Variants in NLE1 observed in about 807,000 individuals in gnomAD.
The protein encoded by NLE1 is notchless protein homolog 1.
A neutral mutation model predicts 62.8 loss-of-function variants in NLE1; 37 were observed. The observed-to-expected ratio is 0.59, with a 90% CI of 0.45 to 0.78. The LOEUF (loss-of-function observed/expected upper bound fraction) is 0.78, where lower values mean the gene tolerates loss of function less well. Ranked by LOEUF, NLE1 falls within the 30% of genes least tolerant of loss-of-function variation. The probability of loss-of-function intolerance (pLI) is 0.00; values close to 1 mark genes in which losing one functional copy is unlikely to be tolerated. For synonymous variants in NLE1, 243 were observed against 253.0 expected (o/e 0.96, Z 0.37); for missense variants, 555 against 637.9 (o/e 0.87, Z 1.40).
intron 10 of NLE1, 178 bp downstream of exon 10, chr17:35,135,063 AAAACAAAC>A (rs202154326): frequency 1.4e-6 from 1 of 693,616 alleles, no homozygotes; most frequent in South Asian, 1.5e-5. Flanking sequence ...GTCATCTCTA[AAAACAAAC>A]AAACAAACAA....
intron 10 of NLE1, among the ~76,000 whole-genome samples, chr17:35,133,813 C>T (rs1380107641): frequency 6.6e-6 from 1 of 152,116 alleles, no homozygotes; most frequent in Non-Finnish European, 1.5e-5. Flanking sequence ...TGTCATCCCC[C>T]CAAACAGCAA....
At chr17:35,135,514 C>G (rs1217033083) in intron 9 of NLE1, 63 bp from the exon 10 acceptor site, 16 of 1,481,070 alleles carry the variant, frequency 1.1e-5, no homozygotes, top group Non-Finnish European at 1.5e-5. Flanking sequence ...GAGGGCCCGA[C>G]TTTGGCAGCA....
rs557946825 is a variant in NLE1, at chr17:35,134,235, G to A, written c.1215-737C>T. 4.6e-5 allele frequency among the ~76,000 whole-genome samples: 7 copies of A among 152,268 alleles called. No homozygotes were observed. In the South Asian group the frequency reaches 1.4e-3, roughly 32 times the overall value. On this transcript the variant is annotated intron_variant, in intron 10 of 12. Transcript: ENST00000442241. ...GGCCAGGACTCTGCATTTCTATCAA[G>A]CTCCCAGGTGATGCTGATGCCGCTG...
chr17:35,130,730 G>A lies in NLE1; in HGVS notation c.*1707C>T. 1 of 354,638 alleles carries A rather than the reference G, an allele frequency of 2.8e-6. No homozygotes were observed. The highest frequency in any genetic ancestry group is 4.1e-5 in the South Asian group (1 of 24,100). The allele number at this position is 354,638 out of a possible 1,614,324, so 22.0% of individuals were successfully genotyped here. A position where few individuals can be genotyped will look rare whatever the true frequency, so the allele number is the denominator to read the frequency against. ...TCATTAAAGAACTGCAGGTCATCCA[G>A]CACCCTAAAGTCTGCTTTATGCTGC... On this transcript the variant is annotated 3_prime_UTR_variant, in exon 13 of 13. Transcript: ENST00000442241.
At chr17:35,138,839 T>C (rs1285804598) in intron 4 of NLE1, among the ~76,000 whole-genome samples, 1 of 152,146 alleles carries the variant, frequency 6.6e-6, no homozygotes, top group Non-Finnish European at 1.5e-5. Flanking sequence ...TTAAACCAGG[T>C]TCTCCTTGGT....
In NLE1 at chr17:35,130,696, C is replaced by T. The variant is rs1039163440; in HGVS notation, c.*1741G>A. The T allele has an allele frequency of 4.3e-6, 2 of 460,476 alleles. No individual in the cohort carries two copies. Among genetic ancestry groups the T allele is most frequent in the African/African-American group, 3.9e-5 (2 of 51,164 alleles). 28.5% of individuals were successfully genotyped at this position (460,476 alleles called of 1,614,324 possible). On this transcript the variant is annotated 3_prime_UTR_variant, in exon 13 of 13. Transcript: ENST00000442241. ...CTCCTCCTCCAAATCTGGGCTGGGT[C>T]TAGGTCCCTCATTAAAGAACTGCAG...
Position 35,130,071 on chromosome 17 carries a change from GAC to G in NLE1, c.*2364_*2365del. On this transcript the variant is annotated 3_prime_UTR_variant, in exon 13 of 13. Coordinates refer to ENST00000442241, the MANE Select transcript of NLE1 (RefSeq NM_018096.5). Reference sequence around the variant, plus strand: ...ATGGGGGTATAGAGGCCTGAGTACAGACAGCCCTTTGGTTGGAAATATCCCAT... The same window carrying G: ...ATGGGGGTATAGAGGCCTGAGTACAGAGCCCTTTGGTTGGAAATATCCCAT... 2 of 1,417,952 alleles carry G rather than the reference GAC, an allele frequency of 1.4e-6. No homozygotes were observed. The highest frequency in any genetic ancestry group is 1.8e-6 in the Non-Finnish European group (2 of 1,091,002). 87.8% of individuals were successfully genotyped at this position (1,417,952 alleles called of 1,614,324 possible).
At position 35,129,707 on chromosome 17, in the gene NLE1, C is replaced by T. The variant is rs777441382; in HGVS notation, c.*2730G>A. The T allele has an allele frequency of 2.5e-6, 4 of 1,585,476 alleles. No individual in the cohort carries two copies. The highest frequency in any genetic ancestry group is 3.4e-6 in the Non-Finnish European group (4 of 1,166,626). On this transcript the variant is annotated 3_prime_UTR_variant, in exon 13 of 13. Coordinates refer to ENST00000442241, the MANE Select transcript of NLE1 (RefSeq NM_018096.5). ...CTTGGGGGTGGAGAGAAGTCCAAAG[C>T]CAGGGAACCAGGGCTTTGGAGGTTG...
chr17:35,130,324 T>A lies in NLE1; in HGVS notation c.*2113A>T. The A allele has an allele frequency of 6.2e-7, 1 of 1,614,086 alleles. No homozygotes were observed. The highest frequency in any genetic ancestry group is 8.5e-7 in the Non-Finnish European group (1 of 1,179,982). ...TGACTTCAGCAGCTTTCCTGAGAAC[T>A]ACCCCATCCAGATCACCGTGCGGCG... On this transcript the variant is annotated 3_prime_UTR_variant, in exon 13 of 13. Coordinates refer to ENST00000442241, the MANE Select transcript of NLE1 (RefSeq NM_018096.5).
At chr17:35,135,027 C>G (rs536159791) in intron 10 of NLE1, 5 of 643,100 alleles carry the variant, frequency 7.8e-6, no homozygotes, top group Non-Finnish European at 1.4e-5. Context: ...ACTCGAGCCA[C>G]TTGAACACCA....
At position 35,137,891 on chromosome 17, in the gene NLE1, C is replaced by T; in HGVS notation, c.461-1G>A. 1 of 1,611,986 alleles carries T rather than the reference C, an allele frequency of 6.2e-7. No individual in the cohort carries two copies. Among genetic ancestry groups the T allele is most frequent in the Non-Finnish European group, 8.5e-7 (1 of 1,178,594 alleles). ...ATACTAAGGACCCAGTGTCTGTGTC[C>T]TAAGAAAGCAGAGGAGGGAGAAATA... On this transcript the variant is annotated splice_acceptor_variant, in intron 4 of 12. Transcript: ENST00000442241. LOFTEE classifies it high-confidence loss of function.
Position 35,130,213 on chromosome 17 carries a change from TAGAGAC to T in NLE1, c.*2218_*2223del, listed in dbSNP as rs1025114705. On this transcript the variant is annotated 3_prime_UTR_variant, in exon 13 of 13. Coordinates refer to ENST00000442241, the MANE Select transcript of NLE1 (RefSeq NM_018096.5). ...CAGCAGACAGAAAAAAAAGGGGTGA[TAGAGAC>T]AGAGAGAGAGCCAGGTTCAGATCTG... 41 of 1,564,736 alleles carry T rather than the reference TAGAGAC, an allele frequency of 2.6e-5. No homozygotes were observed. The highest frequency in any genetic ancestry group is 4.1e-5 in the African/African-American group (3 of 73,018).
At position 35,129,403 on chromosome 17, in the gene NLE1, G is replaced by C; in HGVS notation, c.*3034C>G. 6.2e-7 allele frequency: 1 copy of C among 1,610,772 alleles called. No homozygotes were observed. The highest frequency in any genetic ancestry group is 8.5e-7 in the Non-Finnish European group (1 of 1,177,514). On this transcript the variant is annotated 3_prime_UTR_variant, in exon 13 of 13. Coordinates refer to ENST00000442241, the MANE Select transcript of NLE1 (RefSeq NM_018096.5). ...ACAGGACATATCTGAGGAAGCCTCG[G>C]GGCTCTCTCTTCCCCTAGATTTCCT...
chr17:35,138,259 C>T (rs1320397407), intron 4 of NLE1, among the ~76,000 whole-genome samples: 1 of 152,220 alleles, frequency 6.6e-6, no homozygotes, highest in Non-Finnish European at 1.5e-5. Flanking sequence ...GCCCTACACA[C>T]ACAAGGTCAC....
rs147465242 is a variant in NLE1, at chr17:35,130,361, G to A, written c.*2076C>T. 3.0e-5 allele frequency: 48 copies of A among 1,614,136 alleles called. No individual in the cohort carries two copies. Among genetic ancestry groups the A allele is most frequent in the Middle Eastern group, 1.6e-4 (1 of 6,062 alleles). Reference sequence around the variant, plus strand: ...ATCACCGTGCGGCGCAAGGAACCCCGGCAAAAGATCGTGTCCATCGGGCCG... The same window carrying A: ...ATCACCGTGCGGCGCAAGGAACCCCAGCAAAAGATCGTGTCCATCGGGCCG... On this transcript the variant is annotated 3_prime_UTR_variant, in exon 13 of 13. Coordinates refer to ENST00000442241, the MANE Select transcript of NLE1 (RefSeq NM_018096.5).
At chr17:35,132,839 ACT>A (rs1162815240) in intron 12 of NLE1, among the ~76,000 whole-genome samples, 1 of 152,064 alleles carries the variant, frequency 6.6e-6, no homozygotes, top group East Asian at 1.9e-4. Flanking sequence ...AGGTCTTGCG[ACT>A]CTGAAGTCTA....
rs138965886 is a variant in NLE1 at position 35,134,616 on chromosome 17, T to C, written c.1214+633A>G. Among the ~76,000 whole-genome samples, 920 of 152,220 alleles carry C rather than the reference T, an allele frequency of 6.0e-3. 34 individuals are homozygous for C. In the East Asian group the frequency reaches 0.11, roughly 18 times the overall value. ...GGTTTTGCCATGTTGGCCAGGCTAG[T>C]CTCGAACTCCTGAACTCAGGTGATC... On this transcript the variant is annotated intron_variant, in intron 10 of 12. Coordinates refer to ENST00000442241, the MANE Select transcript of NLE1 (RefSeq NM_018096.5).
At chr17:35,137,223 G>A in intron 6 of NLE1, 30 bp from the exon 7 acceptor site, 2 of 1,571,822 alleles carry the variant, frequency 1.3e-6, no homozygotes, top group Non-Finnish European at 8.7e-7. Context: ...GACCTCATCT[G>A]TGACCTGGCA....
rs908006482 is a variant in NLE1, at chr17:35,139,284, G to T, written c.411C>A (p.Thr137=). ...KYLASGSGDT[T]VRFWDLSTET... ...CTGTGCTGAGATCCCAGAAGCGCAC[G>T]GTGGTGTCTCCAGAGCCACTGGCCA... Residue 137 remains threonine, a synonymous_variant, in exon 4 of 13, where the codon ACC becomes ACA. Coordinates refer to ENST00000442241, the MANE Select transcript of NLE1 (RefSeq NM_018096.5). The T allele has an allele frequency of 6.2e-7, 1 of 1,614,050 alleles. No individual in the cohort carries two copies. The highest frequency in any genetic ancestry group is 1.7e-5 in the Admixed American group (1 of 60,030).
Sources: allele counts gnomAD v4.1 joint callset (sites outside exome capture counted in the v4.1 genomes callset), GRCh38; gene constraint gnomAD v4.1.1; transcripts MANE v1.5; gene names NCBI Gene and HGNC (gene_info 2026-07-23, HGNC 2026-07-21).